TBC1D9: variants seen among roughly 807,000 people sequenced by gnomAD.
TBC1D9 encodes TBC1 domain family member 9A.
TBC1D9 carries 63 observed loss-of-function variants against 132.0 expected under a neutral mutation model. The ratio of observed to expected loss-of-function variants is 0.48; its 90% CI spans 0.39 to 0.59. The LOEUF is 0.59. Ranked by LOEUF, TBC1D9 falls within the 20% of genes least tolerant of loss-of-function variation. TBC1D9 has a pLI of 0.00. For synonymous variants in TBC1D9, 610 were observed against 609.9 expected (o/e 1.00, Z 0.00); for missense variants, 1,261 against 1,592.7 (o/e 0.79, Z 3.54).
intron 13 of TBC1D9, among the ~76,000 whole-genome samples, chr4:140,654,942 G>A (rs1311682612): frequency 6.6e-6 from 1 of 152,004 alleles, no homozygotes; most frequent in Non-Finnish European, 1.5e-5. Context: ...AAATTTGGAA[G>A]AAATCGAAGT....
chr4:140,685,842 G>A (rs1345963581), intron 3 of TBC1D9, among the ~76,000 whole-genome samples: 2 of 152,168 alleles, frequency 1.3e-5, no homozygotes, highest in Non-Finnish European at 1.5e-5. Context: ...AAGTTGTGAA[G>A]GTGGGACAGG....
chr4:140,756,231 A>G lies in TBC1D9; in HGVS notation c.-186T>C, dbSNP rs982768687. 151 of 354,694 alleles carry G rather than the reference A, an allele frequency of 4.3e-4. No individual in the cohort carries two copies. Among genetic ancestry groups the G allele is most frequent in the Non-Finnish European group, 4.3e-4 (87 of 202,240 alleles). 22.0% of individuals were successfully genotyped at this position (354,694 alleles called of 1,614,324 possible). A position where few individuals can be genotyped will look rare whatever the true frequency, so the allele number is the denominator to read the frequency against. On this transcript the variant is annotated 5_prime_UTR_variant, in exon 1 of 21. Coordinates refer to ENST00000442267, the MANE Select transcript of TBC1D9 (RefSeq NM_015130.3). This position sits in a 1 kb window ranked among gnomAD's most constrained non-coding sequence, Gnocchi z 5.6. ...GTCCGGGCCACAACAAAGCCCCAGC[A>G]GGCGGCCCGGGAGGACGGTGAGGAC...
At chr4:140,709,246 T>TCACACACACACACACACA (rs1177824383) in intron 1 of TBC1D9, among the ~76,000 whole-genome samples, 3 of 102,318 alleles carry the variant, frequency 2.9e-5, no homozygotes, top group African/African-American at 1.4e-4. Context: ...TCTCTCTCTC[T>TCACACACACACACACACA]CTCACACACA....
chr4:140,660,950 T>C (rs1737348746), intron 10 of TBC1D9, among the ~76,000 whole-genome samples: 1 of 152,032 alleles, frequency 6.6e-6, no homozygotes, highest in Non-Finnish European at 1.5e-5. Flanking sequence ...AGTCTTGCTC[T>C]GTCGCCCAGG....
chr4:140,665,109 GAAA>G (rs373062026), intron 9 of TBC1D9, among the ~76,000 whole-genome samples: 2 of 60,140 alleles, frequency 3.3e-5, no homozygotes, highest in Admixed American at 1.9e-4. Flanking sequence ...TCAGTCTCCA[GAAA>G]AAAAAAAAAA....
chr4:140,700,759 G>A (rs900961057), intron 2 of TBC1D9: 1 of 151,992 alleles, frequency 6.6e-6, no homozygotes, highest in African/African-American at 2.4e-5. Context: ...GGTGGAGATT[G>A]TGGTGAGCCG....
chr4:140,657,190 C>T lies in TBC1D9; in HGVS notation c.2244G>A (p.Leu748=), dbSNP rs764830963. The T allele has an allele frequency of 4.3e-6, 7 of 1,613,886 alleles. No individual in the cohort carries two copies. The African/African-American group carries it at 5.3e-5, about 12-fold the overall frequency. Residue 748 remains leucine, a synonymous_variant, in exon 13 of 21, where the codon CTG becomes CTA. Transcript: ENST00000442267. ...AGGAGTGGAGGTGAGGAATGGGAGGCAGTGTGCTGTCTTTATTGGTCACAC... is the reference window on the plus strand; with the variant it reads ...AGGAGTGGAGGTGAGGAATGGGAGGTAGTGTGCTGTCTTTATTGGTCACAC... ...LDSVTNKDST[L]PPIPHLHSLL...
At chr4:140,643,757 C>T in intron 13 of TBC1D9, 2 of 1,093,488 alleles carry the variant, frequency 1.8e-6, no homozygotes, top group Admixed American at 2.1e-5. Flanking sequence ...CTTCAGGCCC[C>T]TCCGCAAAGT....
chr4:140,625,294 C>T (rs1736688908), intron 18 of TBC1D9, among the ~76,000 whole-genome samples: 1 of 152,026 alleles, frequency 6.6e-6, no homozygotes, highest in African/African-American at 2.4e-5. Flanking sequence ...ATGTTACATG[C>T]TATAAAACTA....
At position 140,668,980 on chromosome 4, in the gene TBC1D9, G is replaced by A. The variant is rs759134525; in HGVS notation, c.1525C>T (p.Arg509Trp). The change falls in exon 9 of 21, where the codon CGG becomes TGG. Residue 509 changes from arginine (R) to tryptophan (W), a missense_variant. Coordinates refer to ENST00000442267, the MANE Select transcript of TBC1D9 (RefSeq NM_015130.3). ...GICMYRTEKT[R>W]ELVLKGIPES... ...GGGATGCCCTTCAACACCAGCTCCC[G>A]CGTTTTCTCTGTGCGGTACATGCAG... 13 of 1,613,838 alleles carry A rather than the reference G, an allele frequency of 8.1e-6. No individual in the cohort carries two copies. Among genetic ancestry groups the A allele is most frequent in the Admixed American group, 5.0e-5 (3 of 59,996 alleles).
chr4:140,635,142 G>A (rs965292719), intron 15 of TBC1D9, among the ~76,000 whole-genome samples: 24 of 151,862 alleles, frequency 1.6e-4, no homozygotes, highest in African/African-American at 5.6e-4. Flanking sequence ...TGTATTGTCT[G>A]AATATTTCAC....
chr4:140,722,144 G>A (rs1738435283), intron 1 of TBC1D9, among the ~76,000 whole-genome samples: 1 of 152,122 alleles, frequency 6.6e-6, no homozygotes, highest in African/African-American at 2.4e-5. Context: ...GTGAGAAAAT[G>A]TTTACTCAGA....
chr4:140,675,978 A>C (rs1737616991), intron 6 of TBC1D9, among the ~76,000 whole-genome samples: 1 of 152,180 alleles, frequency 6.6e-6, no homozygotes. Flanking sequence ...AATTGCTTTC[A>C]AAGCAAATCA....
intron 1 of TBC1D9, among the ~76,000 whole-genome samples, chr4:140,744,861 T>C (rs1738813391): frequency 1.6e-5 from 2 of 126,200 alleles, no homozygotes; most frequent in South Asian, 5.1e-4. Context: ...CCAGCCTGGG[T>C]GACAGAGCAA....
At chr4:140,726,275 T>G (rs1282251247) in intron 1 of TBC1D9, among the ~76,000 whole-genome samples, 2 of 151,898 alleles carry the variant, frequency 1.3e-5, no homozygotes, top group Non-Finnish European at 2.9e-5. Flanking sequence ...GGCGACGGAA[T>G]GAGACTCCGC....
rs199972056 is a variant in TBC1D9, at chr4:140,657,571, C to T, written c.2163G>A (p.Leu721=). The change falls in exon 12 of 21, where the codon CTG becomes CTA. Residue 721 remains leucine, a synonymous_variant. Coordinates refer to ENST00000442267, the MANE Select transcript of TBC1D9 (RefSeq NM_015130.3). ...LAVLDANVDK[L]LNCKDDGEAM... ...CCTCCCCATCATCCTTGCAGTTCAACAGTTTGTCCACATTTGCATCCAGCA... is the reference window on the plus strand; with the variant it reads ...CCTCCCCATCATCCTTGCAGTTCAATAGTTTGTCCACATTTGCATCCAGCA... The T allele has an allele frequency of 6.2e-7, 1 of 1,613,994 alleles. No homozygotes were observed. The highest frequency in any genetic ancestry group is 1.3e-5 in the African/African-American group (1 of 75,048).
intron 1 of TBC1D9, among the ~76,000 whole-genome samples, chr4:140,749,525 A>G (rs1022858854): frequency 6.6e-6 from 1 of 152,178 alleles, no homozygotes; most frequent in African/African-American, 2.4e-5. Flanking sequence ...AAAATTGAGT[A>G]AGAAAAAAGT....
chr4:140,686,374 A>G lies in TBC1D9; in HGVS notation c.330T>C (p.Asp110=). 6.2e-7 allele frequency: 1 copy of G among 1,608,208 alleles called. No homozygotes were observed. The highest frequency in any genetic ancestry group is 8.5e-7 in the Non-Finnish European group (1 of 1,175,270). The change falls in exon 3 of 21, where the codon GAT becomes GAC. Residue 110 remains aspartate, a synonymous_variant. Transcript: ENST00000442267. ...QTLSIFENEN[D]ITTFVRGKIQ... ...TTTTTCCTCTCACAAATGTGGTGATATCATTCTCATTTTCAAAGATGGAGA... is the reference window on the plus strand; with the variant it reads ...TTTTTCCTCTCACAAATGTGGTGATGTCATTCTCATTTTCAAAGATGGAGA...
In TBC1D9 at chr4:140,706,549, C is replaced by T. The variant is rs1258587797; in HGVS notation, c.131-4935G>A. ...TTTAACACTTTGCCTTACCTGCTTC[C>T]GATCTATTTTTTTTTTTAACAGAAA... On this transcript the variant is annotated intron_variant, in intron 1 of 20. Coordinates refer to ENST00000442267, the MANE Select transcript of TBC1D9 (RefSeq NM_015130.3). This position sits in a 1 kb window ranked among gnomAD's most constrained non-coding sequence, Gnocchi z 4.0. Among the ~76,000 whole-genome samples, 1 of 152,020 alleles carries T rather than the reference C, an allele frequency of 6.6e-6. No homozygotes were observed. Among genetic ancestry groups the T allele is most frequent in the Non-Finnish European group, 1.5e-5 (1 of 68,012 alleles).
Sources: gnomAD v4.1 joint callset for allele counts (sites outside exome capture counted in the v4.1 genomes callset) on GRCh38, gnomAD v4.1.1 for gene constraint, Gnocchi (gnomAD v3.1) non-coding constraint, MANE v1.5 for transcripts, NCBI Gene and HGNC (gene_info 2026-07-23, HGNC 2026-07-21) for gene names.